The following AIDA variants were observed in gnomAD, a reference collection of about 807,000 sequenced individuals.
AIDA encodes the protein axin interactor, dorsalization-associated protein.
In AIDA, 18 loss-of-function variants were observed where a neutral mutation model predicts 42.7. The observed-to-expected ratio is 0.42, with a 90% CI of 0.29 to 0.63. The LOEUF (loss-of-function observed/expected upper bound fraction) is 0.63. AIDA is among the 20% of genes least tolerant of loss of function. AIDA has a pLI of 0.19. For missense variants in AIDA, 250 were observed against 354.1 expected, an observed-to-expected ratio of 0.71 and a Z score of 2.36; for synonymous variants, 104 against 122.9, an observed-to-expected ratio of 0.85 and a Z score of 1.02.
rs1571948778 is a variant in AIDA, at chr1:222,711,907, G to A, written c.110+301C>T. The A allele has an allele frequency of 4.8e-5, 15 of 309,696 alleles. No individual in the cohort carries two copies. The South Asian group carries it at 5.1e-4, about 10-fold the overall frequency. 19.2% of individuals were successfully genotyped at this position (309,696 alleles called of 1,614,324 possible). On this transcript the variant is annotated intron_variant, in intron 1 of 9. Coordinates refer to ENST00000340020, the MANE Select transcript of AIDA (RefSeq NM_022831.4). ...CAAGTGGGGGACCCGCGAGACGGTG[G>A]AAAGGAACTAAGCAGATAGCCTGCT...
chr1:222,669,865 C>A lies in AIDA; in HGVS notation c.*28G>T, dbSNP rs1040994964. ...GGTTTCTACTGAGTGGTAAAATTCACAGAAGTTCCAGGTTCATCATGTCAG... is the reference window on the plus strand; with the variant it reads ...GGTTTCTACTGAGTGGTAAAATTCAAAGAAGTTCCAGGTTCATCATGTCAG... On this transcript the variant is annotated 3_prime_UTR_variant, in exon 10 of 10. Coordinates refer to ENST00000340020, the MANE Select transcript of AIDA (RefSeq NM_022831.4). 11 of 1,598,016 alleles carry A rather than the reference C, an allele frequency of 6.9e-6. No homozygotes were observed. Among genetic ancestry groups the A allele is most frequent in the Non-Finnish European group, 9.4e-6 (11 of 1,170,424 alleles).
chr1:222,676,939 C>CA (rs921891553), intron 6 of AIDA, among the ~76,000 whole-genome samples: 1,754 of 148,900 alleles, frequency 0.012, 32 homozygotes, highest in African/African-American at 0.041. Flanking sequence ...AAAAAACAAA[C>CA]AAAAAAAAAC....
At chr1:222,690,284 T>C (rs1655336806) in intron 4 of AIDA, among the ~76,000 whole-genome samples, 1 of 152,208 alleles carries the variant, frequency 6.6e-6, no homozygotes, top group Non-Finnish European at 1.5e-5. Context: ...CTTCAAACAA[T>C]ATGGGACCAC....
chr1:222,691,183 G>C (rs1655359199), intron 4 of AIDA, among the ~76,000 whole-genome samples: 1 of 152,206 alleles, frequency 6.6e-6, no homozygotes, highest in African/African-American at 2.4e-5. Context: ...GCAGCTGTAG[G>C]GAAAGGGCTT....
chr1:222,699,552 G>A (rs2124965716), intron 2 of AIDA, among the ~76,000 whole-genome samples: 1 of 152,044 alleles, frequency 6.6e-6, no homozygotes, highest in South Asian at 2.1e-4. Flanking sequence ...CATACTAAAG[G>A]TCCCGAGAAG....
chr1:222,701,813 T>C (rs1255652551), intron 2 of AIDA, among the ~76,000 whole-genome samples: 1 of 152,202 alleles, frequency 6.6e-6, no homozygotes, highest in Non-Finnish European at 1.5e-5. Flanking sequence ...AACCTCTGCC[T>C]CCCAGGTTCA....
rs901340534 is a variant in AIDA at position 222,675,566 on chromosome 1, G to A, written c.583+530C>T. 2.0e-5 allele frequency among the ~76,000 whole-genome samples: 3 copies of A among 152,196 alleles called. No homozygotes were observed. In the East Asian group the frequency reaches 5.8e-4, roughly 29 times the overall value. On this transcript the variant is annotated intron_variant, in intron 7 of 9. Transcript: ENST00000340020. Reference sequence around the variant, plus strand: ...CTCCATAGGATTACATTCAGAGCATGCATACTATGGATCTATCCTTGCTTC... The same window carrying A: ...CTCCATAGGATTACATTCAGAGCATACATACTATGGATCTATCCTTGCTTC...
At chr1:222,686,432 A>G (rs1223991481) in intron 6 of AIDA, among the ~76,000 whole-genome samples, 21 of 152,218 alleles carry the variant, frequency 1.4e-4, no homozygotes, top group Non-Finnish European at 3.1e-4. Context: ...AGGTACCCAC[A>G]TAATCAGTCC....
chr1:222,706,950 A>G (rs1655855499), intron 1 of AIDA, among the ~76,000 whole-genome samples: 1 of 151,850 alleles, frequency 6.6e-6, no homozygotes, highest in African/African-American at 2.4e-5. Flanking sequence ...AATGTAGATC[A>G]GTGGTAGTCT....
intron 8 of AIDA, among the ~76,000 whole-genome samples, chr1:222,670,818 T>G (rs1371542420): frequency 6.6e-6 from 1 of 152,220 alleles, no homozygotes; most frequent in Non-Finnish European, 1.5e-5. Context: ...ATGTTTTTCC[T>G]GGAATTGCAT....
At chr1:222,682,488 G>T (rs886548685) in intron 6 of AIDA, among the ~76,000 whole-genome samples, 1 of 152,088 alleles carries the variant, frequency 6.6e-6, no homozygotes, top group Non-Finnish European at 1.5e-5. Flanking sequence ...TAAATGTCAT[G>T]AACAAAGAGT....
chr1:222,683,580 G>A (rs1171477999), intron 6 of AIDA, among the ~76,000 whole-genome samples: 2 of 152,154 alleles, frequency 1.3e-5, no homozygotes, highest in East Asian at 1.9e-4. Flanking sequence ...GAAACTGCTA[G>A]GACTATTTGA....
rs1571926592 is a variant in AIDA at position 222,679,510 on chromosome 1, G to A, written c.461-3292C>T. 2.0e-5 allele frequency among the ~76,000 whole-genome samples: 3 copies of A among 152,336 alleles called. No individual in the cohort carries two copies. The East Asian group carries it at 5.8e-4, about 29-fold the overall frequency. On this transcript the variant is annotated intron_variant, in intron 6 of 9. Coordinates refer to ENST00000340020, the MANE Select transcript of AIDA (RefSeq NM_022831.4). ...TAAACAGCCAACTTTTACAGAACAT[G>A]TCAGGGTGTGCCAGGCACTGTTCTA...
At position 222,689,524 on chromosome 1, in the gene AIDA, CACAT is replaced by C. The variant is rs1343626849; in HGVS notation, c.290-1870_290-1867del. 2.2e-3 allele frequency among the ~76,000 whole-genome samples: 154 copies of C among 69,608 alleles called. 2 individuals carry two copies. Among genetic ancestry groups the C allele is most frequent in the Non-Finnish European group, 3.5e-3 (107 of 30,962 alleles). The allele number at this position is 69,608 out of a possible 152,430, so 45.7% of individuals were successfully genotyped here. ...ATATATATATATATATATATATACA[CACAT>C]ACACACACACACATATATATACATA... On this transcript the variant is annotated intron_variant, in intron 4 of 9. Coordinates refer to ENST00000340020, the MANE Select transcript of AIDA (RefSeq NM_022831.4).
At chr1:222,672,940 T>G (rs1331307725) in intron 8 of AIDA, among the ~76,000 whole-genome samples, 1 of 152,232 alleles carries the variant, frequency 6.6e-6, no homozygotes, top group Non-Finnish European at 1.5e-5. Context: ...AAGTTATCGT[T>G]CTACCAAACT....
intron 2 of AIDA, among the ~76,000 whole-genome samples, chr1:222,694,967 C>T (rs551584215): frequency 1.3e-4 from 20 of 152,294 alleles, no homozygotes; most frequent in East Asian, 7.7e-4. Flanking sequence ...CAAGCCCCAA[C>T]GACCAGGAGG....
Position 222,672,672 on chromosome 1 carries a change from G to A in AIDA, c.706+641C>T, listed in dbSNP as rs543706939. 1.6e-4 allele frequency among the ~76,000 whole-genome samples: 25 copies of A among 152,270 alleles called. No individual in the cohort carries two copies. The South Asian group carries it at 5.0e-3, about 30-fold the overall frequency. On this transcript the variant is annotated intron_variant, in intron 8 of 9. Coordinates refer to ENST00000340020, the MANE Select transcript of AIDA (RefSeq NM_022831.4). The stretch of plus-strand genomic sequence containing the variant: ...CACCAGACTTGAGAAGTGAAATATC[G>A]AATATTTCAGACGCCGAGGCAATCA...
rs76781757 is a variant in AIDA, at chr1:222,679,809, A to C, written c.461-3591T>G. The stretch of plus-strand genomic sequence containing the variant: ...AGGTCCTTCACATAATCACATCTGC[A>C]AAGTCTCTGTTGCCGTGTAATGTAA... On this transcript the variant is annotated intron_variant, in intron 6 of 9. Transcript: ENST00000340020. 1.5e-3 allele frequency among the ~76,000 whole-genome samples: 226 copies of C among 152,368 alleles called. 6 individuals are homozygous for C. In the South Asian group the frequency reaches 0.021, roughly 14 times the overall value.
At chr1:222,701,153 G>T (rs1356043967) in intron 2 of AIDA, among the ~76,000 whole-genome samples, 1 of 151,984 alleles carries the variant, frequency 6.6e-6, no homozygotes, top group East Asian at 1.9e-4. Context: ...AGTAGAGATG[G>T]GGTTTCACCA....
Sources: gnomAD v4.1 joint callset for allele counts (sites outside exome capture counted in the v4.1 genomes callset) on GRCh38, gnomAD v4.1.1 for gene constraint, MANE v1.5 for transcripts, NCBI Gene and HGNC (gene_info 2026-07-23, HGNC 2026-07-21) for gene names.